Variants in CLVS1 observed in about 807,000 individuals in gnomAD.
CLVS1 encodes the protein clavesin-1.
A neutral mutation model predicts 33.1 loss-of-function variants in CLVS1; 10 were observed. That is an observed-to-expected ratio of 0.30 (90% CI 0.19 to 0.51). The LOEUF (loss-of-function observed/expected upper bound fraction) is 0.51, where lower values mean the gene tolerates loss of function less well. Among genes scored for constraint, CLVS1 ranks in the 20% least tolerant of loss-of-function variants. The pLI is 0.97. For synonymous variants in CLVS1, 163 were observed against 166.1 expected (o/e 0.98, Z 0.14); for missense variants, 343 against 433.4 (o/e 0.79, Z 1.85).
At chr8:61,027,382 A>G in the CLVS1 span, among the ~76,000 whole-genome samples, 2 of 152,194 alleles carry the variant, frequency 1.3e-5, no homozygotes, top group South Asian at 4.1e-4. Flanking sequence ...GACCTAAGGC[A>G]TTTGCTCTGG....
chr8:61,035,187 C>CTTTTTTTTTTTTTTTTTTTTT, the CLVS1 span, among the ~76,000 whole-genome samples: 24 of 129,384 alleles, frequency 1.9e-4, no homozygotes, highest in Non-Finnish European at 3.0e-4. Context: ...TTTCTTTTTT[C>CTTTTTTTTTTTTTTTTTTTTT]TTTTTTTTTT....
chr8:61,229,600 C>T (rs543307331), intron 2 of CLVS1, among the ~76,000 whole-genome samples: 1 of 152,306 alleles, frequency 6.6e-6, no homozygotes, highest in South Asian at 2.1e-4. Flanking sequence ...ATTCAAGAAA[C>T]GCCTGAGTCA....
chr8:61,025,377 A>G, the CLVS1 span, among the ~76,000 whole-genome samples: 5 of 152,250 alleles, frequency 3.3e-5, no homozygotes, highest in Non-Finnish European at 7.3e-5. Flanking sequence ...CTACTCTTCA[A>G]GCAAGAGTCA....
rs1162920147 is a variant in CLVS1 at position 61,500,120 on chromosome 8, G to T, written c.*578G>T. On this transcript the variant is annotated 3_prime_UTR_variant, in exon 6 of 6. Transcript: ENST00000325897. ...ATAGGTCTGGGTATTTGCAAAGTTT[G>T]CTTATTTTGATGATATCCTGCAAAA... 6.6e-6 allele frequency: 1 copy of T among 152,594 alleles called. No homozygotes were observed. Among genetic ancestry groups the T allele is most frequent in the African/African-American group, 2.4e-5 (1 of 41,414 alleles). 9.5% of individuals were successfully genotyped at this position (152,594 alleles called of 1,614,324 possible). A position where few individuals can be genotyped will look rare whatever the true frequency, so the allele number is the denominator to read the frequency against.
At chr8:61,010,208 T>C in the CLVS1 span, among the ~76,000 whole-genome samples, 93 of 152,314 alleles carry the variant, frequency 6.1e-4, no homozygotes, top group African/African-American at 2.0e-3. Flanking sequence ...CCTTGGTAGG[T>C]TGGCCTTCTT....
chr8:61,305,615 T>A (rs1810595561), intron 2 of CLVS1, among the ~76,000 whole-genome samples: 1 of 152,156 alleles, frequency 6.6e-6, no homozygotes, highest in East Asian at 1.9e-4. Context: ...GTAGGTAAAC[T>A]TGTGTCATGG....
chr8:61,467,488 G>A lies in CLVS1; in HGVS notation c.977+8946G>A, dbSNP rs758751783. On this transcript the variant is annotated intron_variant, in intron 5 of 5. Transcript: ENST00000325897. Reference sequence around the variant, plus strand: ...GTCCTGCCTCTGAACCCATCACCATGGCCAGGGAGAGGGTGCGTTTGATTT... The same window carrying A: ...GTCCTGCCTCTGAACCCATCACCATAGCCAGGGAGAGGGTGCGTTTGATTT... Among the ~76,000 whole-genome samples the A allele has an allele frequency of 3.9e-5, 6 of 152,264 alleles. No individual in the cohort carries two copies. In the South Asian group the frequency reaches 1.2e-3, roughly 32 times the overall value.
At chr8:61,109,213 C>T (rs1805587675) in intron 1 of CLVS1, among the ~76,000 whole-genome samples, 1 of 150,796 alleles carries the variant, frequency 6.6e-6, no homozygotes, top group Non-Finnish European at 1.5e-5. Flanking sequence ...TGTGCACTTC[C>T]TTTTTTTTTC....
intron 1 of CLVS1, among the ~76,000 whole-genome samples, chr8:61,120,052 C>T (rs1173496304): frequency 1.4e-5 from 2 of 147,792 alleles, no homozygotes; most frequent in African/African-American, 5.1e-5. Context: ...TTCCATATTT[C>T]TTGCAGGCTT....
chr8:61,153,249 T>C (rs376621400), intron 2 of CLVS1, among the ~76,000 whole-genome samples: 1 of 152,218 alleles, frequency 6.6e-6, no homozygotes, highest in East Asian at 1.9e-4. Context: ...ACATCGTAAA[T>C]AAGGACTTGA....
intron 2 of CLVS1, among the ~76,000 whole-genome samples, chr8:61,328,396 G>T (rs982909486): frequency 2.0e-5 from 3 of 152,172 alleles, no homozygotes; most frequent in African/African-American, 7.2e-5. Context: ...GAATTGAAAG[G>T]TGAGGGTCAA....
chr8:61,065,894 T>C (rs1045125464), intron 1 of CLVS1, among the ~76,000 whole-genome samples: 5 of 152,166 alleles, frequency 3.3e-5, no homozygotes, highest in African/African-American at 1.2e-4. Context: ...ATTAATAGAT[T>C]ATGAAATACC....
chr8:60,989,211 G>T, the CLVS1 span, among the ~76,000 whole-genome samples: 1 of 150,232 alleles, frequency 6.7e-6, no homozygotes, highest in African/African-American at 2.5e-5. Context: ...ATGGAATTTT[G>T]CTCTTGTTGC....
intron 2 of CLVS1, among the ~76,000 whole-genome samples, chr8:61,336,320 C>T (rs750001980): frequency 4.6e-5 from 7 of 152,180 alleles, no homozygotes; most frequent in Non-Finnish European, 8.8e-5. Context: ...ACTTCTAAAA[C>T]GCTATAGCAC....
chr8:61,047,546 T>C, the CLVS1 span, among the ~76,000 whole-genome samples: 6 of 152,184 alleles, frequency 3.9e-5, no homozygotes, highest in Admixed American at 3.9e-4. Flanking sequence ...CCAACCCAAA[T>C]GTCCAACAAT....
chr8:61,134,775 C>T (rs1459717152), intron 2 of CLVS1, among the ~76,000 whole-genome samples: 1 of 152,174 alleles, frequency 6.6e-6, no homozygotes. Flanking sequence ...GAAAATCTCC[C>T]CATCTCAGGC....
chr8:61,021,815 C>T, the CLVS1 span, among the ~76,000 whole-genome samples: 1 of 152,044 alleles, frequency 6.6e-6, no homozygotes, highest in Non-Finnish European at 1.5e-5. Context: ...TTATGAATAA[C>T]CCTGTCACCC....
At chr8:61,175,770 C>G (rs1807102010) in intron 2 of CLVS1, among the ~76,000 whole-genome samples, 1 of 152,138 alleles carries the variant, frequency 6.6e-6, no homozygotes. Context: ...GAACATGGCC[C>G]TGCTGACATT....
intron 2 of CLVS1, 104 bp downstream of exon 2, chr8:61,300,386 A>C (rs1810384021): frequency 1.9e-6 from 2 of 1,030,308 alleles, no homozygotes; most frequent in Non-Finnish European, 2.8e-6. Flanking sequence ...TCATTAAAAA[A>C]TATTTCACAT....
Sources: allele counts gnomAD v4.1 joint callset (sites outside exome capture counted in the v4.1 genomes callset), GRCh38; gene constraint gnomAD v4.1.1; transcripts MANE v1.5; gene names NCBI Gene and HGNC (gene_info 2026-07-23, HGNC 2026-07-21).